FAM83G: variants seen among roughly 807,000 people sequenced by gnomAD.
FAM83G encodes the protein protein FAM83G.
A neutral mutation model predicts 61.5 loss-of-function variants in FAM83G; 38 were observed. The observed-to-expected ratio is 0.62, with a 90% CI of 0.48 to 0.81. The LOEUF is 0.81. Among genes scored for constraint, FAM83G ranks in the 30% least tolerant of loss-of-function variants. The pLI is 0.00. For synonymous variants in FAM83G, 470 were observed against 476.1 expected (o/e 0.99, Z 0.17); for missense variants, 989 against 1,133.6 (o/e 0.87, Z 1.83).
At chr17:18,980,636 T>C (rs955476645) in intron 3 of FAM83G, among the ~76,000 whole-genome samples, 2 of 151,872 alleles carry the variant, frequency 1.3e-5, no homozygotes, top group African/African-American at 4.8e-5. Flanking sequence ...GAGGAGCAGA[T>C]GGTAAAGGCT....
In FAM83G at chr17:18,970,946, G is replaced by T. The variant is rs373804510; in HGVS notation, c.*413C>A. ...GAAGTTTCTTGTGAGATGAAGGCAG[G>T]GGGGAGCCCAGGGAGTCAGGGCCCC... On this transcript the variant is annotated 3_prime_UTR_variant, in exon 6 of 6. Coordinates refer to ENST00000388995, the MANE Select transcript of FAM83G (RefSeq NM_001039999.3). 4.3e-4 allele frequency: 632 copies of T among 1,485,926 alleles called. 1 individual carries two copies. The highest frequency in any genetic ancestry group is 5.4e-4 in the Non-Finnish European group (579 of 1,067,606). 92.0% of individuals were successfully genotyped at this position (1,485,926 alleles called of 1,614,324 possible). A position where few individuals can be genotyped will look rare whatever the true frequency, so the allele number is the denominator to read the frequency against.
At chr17:18,994,134 C>T (rs1054638925) in intron 2 of FAM83G, among the ~76,000 whole-genome samples, 1 of 152,224 alleles carries the variant, frequency 6.6e-6, no homozygotes, top group Non-Finnish European at 1.5e-5. Context: ...GCCATCATGA[C>T]CTTGGATTCA....
Position 18,979,570 on chromosome 17 carries a change from C to G in FAM83G, c.794G>C (p.Arg265Pro). The G allele has an allele frequency of 6.2e-7, 1 of 1,613,446 alleles. No individual in the cohort carries two copies. The highest frequency in any genetic ancestry group is 8.5e-7 in the Non-Finnish European group (1 of 1,179,982). ...TCACCTGTAGGAGCCGCACACAGCC[C>G]GGTCTCCATCCACAAACATGAACTT... ...AQKFMFVDGD[R>P]AVCGSYSFTW... The change falls in exon 4 of 6, where the codon CGG becomes CCG. Residue 265 changes from arginine (R) to proline (P), a missense_variant. Coordinates refer to ENST00000388995, the MANE Select transcript of FAM83G (RefSeq NM_001039999.3).
Position 18,996,946 on chromosome 17 carries a change from C to A in FAM83G, c.522+6574G>T, listed in dbSNP as rs140476562. 6.6e-6 allele frequency among the ~76,000 whole-genome samples: 1 copy of A among 152,202 alleles called. No homozygotes were observed. The highest frequency in any genetic ancestry group is 6.5e-5 in the Admixed American group (1 of 15,290). On this transcript the variant is annotated intron_variant, in intron 2 of 5. Transcript: ENST00000388995. This position sits in a 1 kb window ranked among gnomAD's most constrained non-coding sequence, Gnocchi z 4.4. Reference sequence around the variant, plus strand: ...CATGCCTTCCCTGGGTGGCCCATGGCGGGTCACTTCCCACTCTAAGCCTCA... The same window carrying A: ...CATGCCTTCCCTGGGTGGCCCATGGAGGGTCACTTCCCACTCTAAGCCTCA...
At chr17:18,989,292 C>T (rs1167449851) in intron 2 of FAM83G, among the ~76,000 whole-genome samples, 3 of 152,138 alleles carry the variant, frequency 2.0e-5, no homozygotes, top group Admixed American at 1.3e-4. Context: ...CTACAGACTA[C>T]CCTGACTTGT....
chr17:18,997,935 G>C (rs2043609938), intron 2 of FAM83G, among the ~76,000 whole-genome samples: 1 of 152,192 alleles, frequency 6.6e-6, no homozygotes, highest in African/African-American at 2.4e-5. Flanking sequence ...TTAGCTGTTA[G>C]CACTACCATG....
At chr17:18,982,756 G>A (rs1259811708) in intron 3 of FAM83G, among the ~76,000 whole-genome samples, 1 of 152,242 alleles carries the variant, frequency 6.6e-6, no homozygotes, top group African/African-American at 2.4e-5. Context: ...CTGGTGCGAG[G>A]CAGAGGGGGC....
In FAM83G at chr17:18,971,755, G is replaced by A; in HGVS notation, c.2083-7C>T. On this transcript the variant is annotated splice_region_variant and splice_polypyrimidine_tract_variant and intron_variant, in intron 5 of 5. Coordinates refer to ENST00000388995, the MANE Select transcript of FAM83G (RefSeq NM_001039999.3). This position sits in a 1 kb window ranked among gnomAD's most constrained non-coding sequence, Gnocchi z 5.5. ...GATGATGAAACTGCTGGCCCTGGGA[G>A]AGAGAGAGCAGAGAGTGAGGCTGAG... is the stretch of plus-strand genomic sequence containing the variant. 1 of 1,554,020 alleles carries A rather than the reference G, an allele frequency of 6.4e-7. No homozygotes were observed. Among genetic ancestry groups the A allele is most frequent in the Non-Finnish European group, 8.7e-7 (1 of 1,148,284 alleles).
chr17:19,004,123 C>T lies in FAM83G; in HGVS notation c.-82G>A. Reference sequence around the variant, plus strand: ...GCTCCGGCCCAGCTGGGGCACCGCGCGCTCGGGGGCCTCTCCGCGGCCTCT... The same window carrying T: ...GCTCCGGCCCAGCTGGGGCACCGCGTGCTCGGGGGCCTCTCCGCGGCCTCT... On this transcript the variant is annotated 5_prime_UTR_variant, in exon 2 of 6. Coordinates refer to ENST00000388995, the MANE Select transcript of FAM83G (RefSeq NM_001039999.3). This position sits in a 1 kb window ranked among gnomAD's most constrained non-coding sequence, Gnocchi z 5.4. 7.3e-7 allele frequency: 1 copy of T among 1,371,850 alleles called. No individual in the cohort carries two copies. The highest frequency in any genetic ancestry group is 9.9e-7 in the Non-Finnish European group (1 of 1,010,792). The allele number at this position is 1,371,850 out of a possible 1,614,324, so 85.0% of individuals were successfully genotyped here. A position where few individuals can be genotyped will look rare whatever the true frequency, so the allele number is the denominator to read the frequency against.
upstream of FAM83G, among the ~76,000 whole-genome samples, chr17:19,005,004 C>T (rs1597898892): frequency 6.6e-6 from 1 of 152,210 alleles, no homozygotes; most frequent in African/African-American, 2.4e-5. Flanking sequence ...TCCCTGAGGT[C>T]ACACAGCGGG....
In FAM83G at chr17:18,971,492, G is replaced by A. The variant is rs578128314; in HGVS notation, c.2339C>T (p.Pro780Leu). 16 of 1,614,018 alleles carry A rather than the reference G, an allele frequency of 9.9e-6. No homozygotes were observed. The highest frequency in any genetic ancestry group is 6.7e-5 in the East Asian group (3 of 44,878). ...MTDGRATEEH[P>L]SPFGIPYSKL... ...GGAGTATGGGATTCCGAAGGGACTC[G>A]GATGCTCCTCGGTGGCCCTGCCATC... The change falls in exon 6 of 6, where the codon CCG becomes CTG. Residue 780 changes from proline to leucine, a missense_variant. This residue lies in a region of FAM83G where 574 missense variants were observed against 645.1 expected (regional missense o/e 0.89). Coordinates refer to ENST00000388995, the MANE Select transcript of FAM83G (RefSeq NM_001039999.3). This position sits in a 1 kb window ranked among gnomAD's most constrained non-coding sequence, Gnocchi z 5.5.
chr17:18,979,461 G>A (rs1025728934), intron 4 of FAM83G, 88 bp downstream of exon 4: 14 of 1,507,150 alleles, frequency 9.3e-6, no homozygotes, highest in Admixed American at 5.9e-5. Context: ...CCAATGAACC[G>A]GAATAACCAG....
intron 2 of FAM83G, among the ~76,000 whole-genome samples, chr17:19,001,781 TA>T (rs2043735105): frequency 2.0e-5 from 3 of 151,984 alleles, no homozygotes; most frequent in Non-Finnish European, 4.4e-5. Flanking sequence ...TGGGAGCCCC[TA>T]TCTGGCCCAT....
chr17:18,982,251 A>G (rs1597857821), intron 3 of FAM83G, among the ~76,000 whole-genome samples: 1 of 152,016 alleles, frequency 6.6e-6, no homozygotes, highest in Non-Finnish European at 1.5e-5. Flanking sequence ...GGCCTGTTCT[A>G]CCTGGGGCTC....
Position 18,971,297 on chromosome 17 carries a change from C to T in FAM83G, c.*62G>A. On this transcript the variant is annotated 3_prime_UTR_variant, in exon 6 of 6. Transcript: ENST00000388995. This position sits in a 1 kb window ranked among gnomAD's most constrained non-coding sequence, Gnocchi z 5.5. ...TGGTAGGCCCAGGCGGCCTGTCTGC[C>T]CTCCGCGTCATGAGTCTGGGCTGGG... 6.2e-7 allele frequency: 1 copy of T among 1,608,880 alleles called. No homozygotes were observed. Among genetic ancestry groups the T allele is most frequent in the Non-Finnish European group, 8.5e-7 (1 of 1,176,622 alleles).
In FAM83G at chr17:18,986,757, G is replaced by A. The variant is rs540327378; in HGVS notation, c.690+1490C>T. Among the ~76,000 whole-genome samples the A allele has an allele frequency of 3.9e-5, 6 of 152,376 alleles. No homozygotes were observed. In the South Asian group the frequency reaches 1.2e-3, roughly 32 times the overall value. On this transcript the variant is annotated intron_variant, in intron 3 of 5. Coordinates refer to ENST00000388995, the MANE Select transcript of FAM83G (RefSeq NM_001039999.3). The stretch of plus-strand genomic sequence containing the variant: ...CTTGCGTCTGCACGCTGGGGGAAGT[G>A]CAAAGCACTCGCTGGGCCTGGGGCA...
At chr17:19,002,435 C>T (rs956728813) in intron 2 of FAM83G, among the ~76,000 whole-genome samples, 2 of 152,224 alleles carry the variant, frequency 1.3e-5, no homozygotes, top group African/African-American at 4.8e-5. Flanking sequence ...CGAACTTCCC[C>T]AAGGCCCTGT....
intron 5 of FAM83G, among the ~76,000 whole-genome samples, chr17:18,974,425 C>A (rs561670465): frequency 6.6e-6 from 1 of 152,248 alleles, no homozygotes; most frequent in Admixed American, 6.5e-5. Flanking sequence ...TCTGGGCTCC[C>A]GTCTGGGCTA....
chr17:18,992,028 C>T (rs1322995985), intron 2 of FAM83G, among the ~76,000 whole-genome samples: 1 of 152,108 alleles, frequency 6.6e-6, no homozygotes, highest in African/African-American at 2.4e-5. Context: ...GGGCACTCCT[C>T]CAGTGAGCCA....
Sources: allele counts gnomAD v4.1 joint callset (sites outside exome capture counted in the v4.1 genomes callset), GRCh38; gene constraint gnomAD v4.1.1; regional missense constraint gnomAD v4.1.1; non-coding constraint Gnocchi (gnomAD v3.1); transcripts MANE v1.5; gene names NCBI Gene and HGNC (gene_info 2026-07-23, HGNC 2026-07-21).